Variants in WSCD2 observed in about 807,000 individuals in gnomAD.
WSCD2 encodes the protein sialate:O-sulfotransferase 2.
A neutral mutation model predicts 55.7 loss-of-function variants in WSCD2; 28 were observed. The ratio of observed to expected loss-of-function variants is 0.50; its 90% CI spans 0.37 to 0.69. WSCD2 has a LOEUF of 0.69. WSCD2 is among the 30% of genes least tolerant of loss of function. The pLI is 0.00. For synonymous variants in WSCD2, 301 were observed against 301.9 expected, an observed-to-expected ratio of 1.00 and a Z score of 0.03; for missense variants, 616 against 762.1, an observed-to-expected ratio of 0.81 and a Z score of 2.26.
chr12:108,240,679 G>A, intron 8 of WSCD2, 135 bp downstream of exon 8: 2 of 1,048,878 alleles, frequency 1.9e-6, no homozygotes, highest in Non-Finnish European at 2.7e-6. Context: ...AGGACATCCT[G>A]GAGGGCGCGT....
chr12:108,224,471 C>A (rs1295051706), intron 4 of WSCD2, among the ~76,000 whole-genome samples: 1 of 152,180 alleles, frequency 6.6e-6, no homozygotes, highest in Non-Finnish European at 1.5e-5. Flanking sequence ...GATAGCATGG[C>A]CCAGAAAGAA....
intron 1 of WSCD2, among the ~76,000 whole-genome samples, chr12:108,130,931 A>G (rs11113752): frequency 0.21 from 32,164 of 152,020 alleles, 3,532 homozygotes; most frequent in African/African-American, 0.22. Context: ...CTCCAAGGAG[A>G]TCACCTGGTC....
chr12:108,213,156 G>A (rs555773217), intron 4 of WSCD2, among the ~76,000 whole-genome samples: 1 of 152,326 alleles, frequency 6.6e-6, no homozygotes, highest in South Asian at 2.1e-4. Flanking sequence ...GGTCAGTAAA[G>A]CACAATGCCT....
Position 108,246,837 on chromosome 12 carries a change from A to G in WSCD2, c.1346-1154A>G, listed in dbSNP as rs533244771. 7.2e-5 allele frequency among the ~76,000 whole-genome samples: 11 copies of G among 152,134 alleles called. No homozygotes were observed. In the East Asian group the frequency reaches 1.9e-3, roughly 27 times the overall value. On this transcript the variant is annotated intron_variant, in intron 8 of 8. Coordinates refer to ENST00000547525, the MANE Select transcript of WSCD2 (RefSeq NM_014653.4). ...AAGTGGGGGGTTTCTGCACAGCATA[A>G]TGAGTGCTGTGGGGGGCTGCAGGGG...
Position 108,164,138 on chromosome 12 carries a change from C to CTTTTTTTTTTTTTTTTTTTTTTTTTTT in WSCD2, c.-551-31144_-551-31143insTTTTTTTTTTTTTTTTTTTTTTTTTTT. ...TTTATACTGTTGTTTAATCTTAAAT[C>CTTTTTTTTTTTTTTTTTTTTTTTTTTT]CTTTTTTTTTTTTTTTTTTTTTTTC... On this transcript the variant is annotated intron_variant, in intron 1 of 8. Transcript: ENST00000547525. Among the ~76,000 whole-genome samples, 36 of 71,740 alleles carry CTTTTTTTTTTTTTTTTTTTTTTTTTTT rather than the reference C, an allele frequency of 5.0e-4. 16 individuals are homozygous for CTTTTTTTTTTTTTTTTTTTTTTTTTTT. Among genetic ancestry groups the CTTTTTTTTTTTTTTTTTTTTTTTTTTT allele is most frequent in the South Asian group, 1.4e-3 (2 of 1,440 alleles). The allele number at this position is 71,740 out of a possible 152,430, so 47.1% of individuals were successfully genotyped here. A position where few individuals can be genotyped will look rare whatever the true frequency, so the allele number is the denominator to read the frequency against.
intron 1 of WSCD2, among the ~76,000 whole-genome samples, chr12:108,176,811 TTTG>T (rs1196213865): frequency 3.8e-5 from 3 of 79,716 alleles, no homozygotes; most frequent in African/African-American, 8.9e-5. Context: ...GTTTTTTGTT[TTTG>T]TTTTTTTTTA....
At chr12:108,149,768 A>C (rs993094014) in intron 1 of WSCD2, 3 of 152,238 alleles carry the variant, frequency 2.0e-5, no homozygotes, top group African/African-American at 7.2e-5. Flanking sequence ...AACAGTGAAC[A>C]AGACAGACCC....
chr12:108,229,797 C>G (rs918921810), intron 6 of WSCD2, among the ~76,000 whole-genome samples: 13 of 151,164 alleles, frequency 8.6e-5, no homozygotes, highest in African/African-American at 3.2e-4. Context: ...ATAGAGAATT[C>G]TGTTTTGGGG....
chr12:108,203,393 G>A (rs1884952916), intron 2 of WSCD2, among the ~76,000 whole-genome samples: 1 of 152,130 alleles, frequency 6.6e-6, no homozygotes, highest in Non-Finnish European at 1.5e-5. Context: ...GTAGCTCTGG[G>A]GTTATAGCAC....
chr12:108,247,978 CCTCT>C lies in WSCD2; in HGVS notation c.1346-8_1346-5del, dbSNP rs753851326. On this transcript the variant is annotated splice_polypyrimidine_tract_variant and intron_variant, in intron 8 of 8. Transcript: ENST00000547525. The stretch of plus-strand genomic sequence containing the variant: ...TCCTCCCTCTGACTGTGTCCTTTCT[CCTCT>C]CTCTGCAGAGTGGCCAGAGTTCGTG... 9 of 1,604,932 alleles carry C rather than the reference CCTCT, an allele frequency of 5.6e-6. No individual in the cohort carries two copies. The East Asian group carries it at 1.6e-4, about 28-fold the overall frequency.
intron 4 of WSCD2, among the ~76,000 whole-genome samples, chr12:108,213,019 G>A (rs986620027): frequency 1.3e-5 from 2 of 152,196 alleles, no homozygotes; most frequent in African/African-American, 4.8e-5. Flanking sequence ...CTTGGACAAG[G>A]AGAGAGATGG....
chr12:108,196,823 G>A (rs1883986955), intron 2 of WSCD2: 1 of 152,364 alleles, frequency 6.6e-6, no homozygotes, highest in African/African-American at 2.4e-5. Context: ...AATCTAAAAA[G>A]GCTTTTGTTC....
chr12:108,216,804 A>G (rs1210800515), intron 4 of WSCD2, among the ~76,000 whole-genome samples: 1 of 152,134 alleles, frequency 6.6e-6, no homozygotes, highest in Non-Finnish European at 1.5e-5. Context: ...TCCAACTCTC[A>G]TCCATCATTG....
intron 1 of WSCD2, among the ~76,000 whole-genome samples, chr12:108,134,088 C>T (rs1875909674): frequency 6.6e-6 from 1 of 152,154 alleles, no homozygotes; most frequent in African/African-American, 2.4e-5. Flanking sequence ...GCTTAGGGGC[C>T]TTCTAGACTT....
In WSCD2 at chr12:108,224,781, A is replaced by G. The variant is rs1482782631; in HGVS notation, c.725A>G (p.Asn242Ser). 4 of 1,613,602 alleles carry G rather than the reference A, an allele frequency of 2.5e-6. No homozygotes were observed. Among genetic ancestry groups the G allele is most frequent in the Non-Finnish European group, 3.4e-6 (4 of 1,180,024 alleles). The change falls in exon 5 of 9, where the codon AAC (asparagine) becomes AGC (serine). Residue 242 changes from asparagine (N) to serine (S), a missense_variant. Transcript: ENST00000547525. ...VFRGCFRRPDNLSLALPVTAA... is the reference protein window; with the variant it reads ...VFRGCFRRPDSLSLALPVTAA... ...CGGGGCTGCTTCCGCAGGCCCGACA[A>G]CCTTTCCCTGGCCTTACCCGTGACA...
rs80323240 is a variant in WSCD2 at position 108,210,445 on chromosome 12, A to G, written c.682+140A>G. 61,880 of 1,157,104 alleles carry G rather than the reference A, an allele frequency of 0.053. 3,613 individuals are homozygous for G. Among genetic ancestry groups the G allele is most frequent in the African/African-American group, 0.28 (17,743 of 64,314 alleles). 71.7% of individuals were successfully genotyped at this position (1,157,104 alleles called of 1,614,324 possible). A position where few individuals can be genotyped will look rare whatever the true frequency, so the allele number is the denominator to read the frequency against. ...GCCACCACCGTCCTGCCCCTGCCTCACCTCTCCCACTCCCTCACAGAGCCC... is the reference window on the plus strand; with the variant it reads ...GCCACCACCGTCCTGCCCCTGCCTCGCCTCTCCCACTCCCTCACAGAGCCC... On this transcript the variant is annotated intron_variant, in intron 4 of 8. Transcript: ENST00000547525. The surrounding 1 kb of genome is among the most constrained non-coding windows in gnomAD (Gnocchi z 4.3).
intron 1 of WSCD2, among the ~76,000 whole-genome samples, chr12:108,134,512 C>T (rs569532725): frequency 6.6e-6 from 1 of 152,256 alleles, no homozygotes; most frequent in East Asian, 1.9e-4. Context: ...GGGATGAGTC[C>T]AGCCAGTTTC....
rs955005617 is a variant in WSCD2, at chr12:108,219,090, T to C, written c.683-5649T>C. The stretch of plus-strand genomic sequence containing the variant: ...GCTGAAGCCCAGCCTCATCCTCTAC[T>C]AGAAGAGGAGCCCTCTTCTCAGCCA... On this transcript the variant is annotated intron_variant, in intron 4 of 8. Transcript: ENST00000547525. Among the ~76,000 whole-genome samples the C allele has an allele frequency of 3.9e-5, 6 of 152,176 alleles. No individual in the cohort carries two copies. The East Asian group carries it at 1.2e-3, about 29-fold the overall frequency.
At chr12:108,217,592 C>T (rs1219401000) in intron 4 of WSCD2, among the ~76,000 whole-genome samples, 1 of 152,200 alleles carries the variant, frequency 6.6e-6, no homozygotes, top group African/African-American at 2.4e-5. Context: ...GCTTGGAAGG[C>T]TCTCCAACCT....
Sources: gnomAD v4.1 joint callset for allele counts (sites outside exome capture counted in the v4.1 genomes callset) on GRCh38, gnomAD v4.1.1 for gene constraint, Gnocchi (gnomAD v3.1) non-coding constraint, MANE v1.5 for transcripts, NCBI Gene and HGNC (gene_info 2026-07-23, HGNC 2026-07-21) for gene names.